The following CADPS2 variants were observed in gnomAD, a reference collection of about 807,000 sequenced individuals.
The protein encoded by CADPS2 is calcium dependent secretion activator 2, also known as calcium-dependent secretion activator 2.
Under a neutral mutation model 172.5 loss-of-function variants are expected in CADPS2, and 93 were observed. That is an observed-to-expected ratio of 0.54 (90% CI 0.46 to 0.64). CADPS2 has a LOEUF of 0.64. Among genes scored for constraint, CADPS2 ranks in the 30% least tolerant of loss-of-function variants. CADPS2 has a pLI of 0.00. For missense variants in CADPS2, 1,420 were observed against 1,565.9 expected (o/e 0.91, Z 1.57); for synonymous variants, 546 against 555.2 (o/e 0.98, Z 0.23).
At chr7:122,499,869 T>C (rs929739035) in intron 9 of CADPS2, among the ~76,000 whole-genome samples, 1 of 152,018 alleles carries the variant, frequency 6.6e-6, no homozygotes, top group Non-Finnish European at 1.5e-5. Context: ...TCTTCTTCTC[T>C]TATTTGGAAG....
rs540554920 is a variant in CADPS2, at chr7:122,842,103, G to A, written c.339+43896C>T. The stretch of plus-strand genomic sequence containing the variant: ...AACCCCAGGAATAGTCACACATGTG[G>A]TTGCTTTATGGGGAGCATGAGCTTT... On this transcript the variant is annotated intron_variant, in intron 1 of 29. Transcript: ENST00000449022. Among the ~76,000 whole-genome samples the A allele has an allele frequency of 1.4e-4, 21 of 152,312 alleles. No individual in the cohort carries two copies. In the East Asian group the frequency reaches 3.7e-3, roughly 27 times the overall value.
At chr7:122,456,131 A>T (rs2053742793) in intron 14 of CADPS2, among the ~76,000 whole-genome samples, 1 of 152,180 alleles carries the variant, frequency 6.6e-6, no homozygotes, top group Non-Finnish European at 1.5e-5. Context: ...CACTTAGCAG[A>T]AAATCTTTAG....
intron 3 of CADPS2, among the ~76,000 whole-genome samples, chr7:122,644,116 GAACA>G (rs2078026714): frequency 6.6e-6 from 1 of 150,984 alleles, no homozygotes; most frequent in African/African-American, 2.4e-5. Flanking sequence ...AGGAAGGAAG[GAACA>G]AACGAAGGAA....
intron 14 of CADPS2, among the ~76,000 whole-genome samples, chr7:122,467,508 T>C (rs1480212683): frequency 6.6e-6 from 1 of 152,200 alleles, no homozygotes; most frequent in East Asian, 1.9e-4. Flanking sequence ...AACTTTGTGA[T>C]ATAATCTGGA....
intron 1 of CADPS2, among the ~76,000 whole-genome samples, chr7:122,754,137 T>A (rs2093062965): frequency 6.6e-6 from 1 of 152,240 alleles, no homozygotes; most frequent in African/African-American, 2.4e-5. Flanking sequence ...TTTGTTTACA[T>A]GCAAATGTAT....
intron 1 of CADPS2, among the ~76,000 whole-genome samples, chr7:122,862,804 A>T (rs1161607446): frequency 6.6e-6 from 1 of 152,202 alleles, no homozygotes; most frequent in Non-Finnish European, 1.5e-5. Context: ...ACAATTCCAA[A>T]TAAATAAATA....
chr7:122,763,959 A>G (rs552592569), intron 1 of CADPS2, among the ~76,000 whole-genome samples: 9 of 152,160 alleles, frequency 5.9e-5, no homozygotes, highest in Non-Finnish European at 1.2e-4. Context: ...GACATATCCA[A>G]AAGTGTATAA....
intron 3 of CADPS2, among the ~76,000 whole-genome samples, chr7:122,658,080 G>C (rs983325091): frequency 9.2e-5 from 14 of 152,234 alleles, no homozygotes; most frequent in Middle Eastern, 3.4e-3. Context: ...GTGGGCAAAG[G>C]ATATGAACAG....
intron 1 of CADPS2, among the ~76,000 whole-genome samples, chr7:122,773,729 C>A (rs2093777576): frequency 6.6e-6 from 1 of 152,018 alleles, no homozygotes. Flanking sequence ...TAAAAAGTAC[C>A]TTTTTAAAAC....
At chr7:122,514,364 G>T (rs1008857120) in intron 8 of CADPS2, among the ~76,000 whole-genome samples, 2 of 151,512 alleles carry the variant, frequency 1.3e-5, no homozygotes, top group Non-Finnish European at 2.9e-5. Flanking sequence ...TTTATTTAGG[G>T]GCTTAAGATT....
intron 17 of CADPS2, among the ~76,000 whole-genome samples, chr7:122,431,566 G>GT (rs1362629522): frequency 6.6e-6 from 1 of 152,114 alleles, no homozygotes; most frequent in Non-Finnish European, 1.5e-5. Flanking sequence ...GGCGGGGAGT[G>GT]TAAGAAGAGA....
intron 1 of CADPS2, among the ~76,000 whole-genome samples, chr7:122,771,511 T>C (rs994246830): frequency 2.0e-5 from 3 of 152,218 alleles, no homozygotes; most frequent in African/African-American, 7.2e-5. Context: ...ATAAGGCATA[T>C]GATTTTTCCT....
intron 27 of CADPS2, 149 bp from the exon 28 acceptor site, chr7:122,345,830 T>C: frequency 1.9e-6 from 1 of 528,018 alleles, no homozygotes. Context: ...CTTCAATACA[T>C]TCCATAATTA....
intron 2 of CADPS2, among the ~76,000 whole-genome samples, chr7:122,700,318 T>C (rs1477426010): frequency 6.6e-6 from 1 of 152,158 alleles, no homozygotes; most frequent in African/African-American, 2.4e-5. Context: ...ACATGGTAAT[T>C]TGAGACAAGA....
At chr7:122,750,868 T>C (rs1314674423) in intron 1 of CADPS2, among the ~76,000 whole-genome samples, 1 of 152,142 alleles carries the variant, frequency 6.6e-6, no homozygotes. Context: ...AGCTATAGGT[T>C]TGGGATTTTC....
chr7:122,392,086 T>C (rs2044440535), intron 22 of CADPS2, among the ~76,000 whole-genome samples: 1 of 152,276 alleles, frequency 6.6e-6, no homozygotes, highest in African/African-American at 2.4e-5. Flanking sequence ...TCTCAATAAA[T>C]GGAAGCTATT....
intron 6 of CADPS2, among the ~76,000 whole-genome samples, chr7:122,611,782 C>A (rs1294941418): frequency 6.6e-6 from 1 of 151,998 alleles, no homozygotes; most frequent in African/African-American, 2.4e-5. Flanking sequence ...AGGACAATAT[C>A]TCTTATGAAT....
chr7:122,768,803 T>C (rs375227046), intron 1 of CADPS2, among the ~76,000 whole-genome samples: 4 of 152,118 alleles, frequency 2.6e-5, no homozygotes, highest in African/African-American at 7.2e-5. Flanking sequence ...AAAGACCCCA[T>C]GTGTAGAAAG....
chr7:122,451,991 T>C (rs976372160), intron 14 of CADPS2, among the ~76,000 whole-genome samples: 1 of 152,168 alleles, frequency 6.6e-6, no homozygotes, highest in Non-Finnish European at 1.5e-5. Context: ...ACAGGGCATA[T>C]GAATAAATAT....
Sources: allele counts gnomAD v4.1 joint callset (sites outside exome capture counted in the v4.1 genomes callset), GRCh38; gene constraint gnomAD v4.1.1; transcripts MANE v1.5; gene names NCBI Gene and HGNC (gene_info 2026-07-23, HGNC 2026-07-21).